Variants in MYO5B observed in about 807,000 individuals in gnomAD.
MYO5B encodes unconventional myosin-Vb.
MYO5B carries 143 observed loss-of-function variants against 229.3 expected under a neutral mutation model. That is an observed-to-expected ratio of 0.62 (90% CI 0.54 to 0.72). The LOEUF is 0.72. Among genes scored for constraint, MYO5B ranks in the 30% least tolerant of loss-of-function variants. The pLI is 0.00. For missense variants in MYO5B, 2,321 were observed against 2,331.0 expected, an observed-to-expected ratio of 1.00 and a Z score of 0.09; for synonymous variants, 918 against 885.2, an observed-to-expected ratio of 1.04 and a Z score of -0.66.
chr18:49,865,182 C>T (rs146162069), intron 27 of MYO5B, among the ~76,000 whole-genome samples: 1 of 152,084 alleles, frequency 6.6e-6, no homozygotes, highest in Non-Finnish European at 1.5e-5. Flanking sequence ...CATGATGGAA[C>T]CAGGGGACCG....
rs143910447 is a variant in MYO5B at position 50,176,941 on chromosome 18, T to C, written c.27+17826A>G. 6.3e-3 allele frequency among the ~76,000 whole-genome samples: 965 copies of C among 152,314 alleles called. 11 individuals carry two copies. Among genetic ancestry groups the C allele is most frequent in the African/African-American group, 0.022 (900 of 41,556 alleles). ...TTTATGGTTACATCTGAAGTCGTCT[T>C]AAACTATGTTAGCCTGCCAGGACCA... On this transcript the variant is annotated intron_variant, in intron 1 of 39. Coordinates refer to ENST00000285039, the MANE Select transcript of MYO5B (RefSeq NM_001080467.3).
intron 1 of MYO5B, among the ~76,000 whole-genome samples, chr18:50,167,789 T>A (rs567159072): frequency 6.6e-6 from 1 of 152,308 alleles, no homozygotes; most frequent in Admixed American, 6.5e-5. Context: ...CATCCATTTC[T>A]TTAAAGCAAT....
chr18:50,112,738 TAATA>T (rs1289816971), intron 1 of MYO5B, among the ~76,000 whole-genome samples: 2 of 152,204 alleles, frequency 1.3e-5, no homozygotes, highest in Non-Finnish European at 2.9e-5. Context: ...TGATGAATTA[TAATA>T]AATAACAATG....
At position 49,838,750 on chromosome 18, in the gene MYO5B, G is replaced by A. The variant is rs376537285; in HGVS notation, c.4852+394C>T. ...AGTGTCTAATAAATACTGATGCATCGTGCCGACTGCTGTGTCCTTTCGCAT... is the reference window on the plus strand; with the variant it reads ...AGTGTCTAATAAATACTGATGCATCATGCCGACTGCTGTGTCCTTTCGCAT... On this transcript the variant is annotated intron_variant, in intron 36 of 39. Coordinates refer to ENST00000285039, the MANE Select transcript of MYO5B (RefSeq NM_001080467.3). Among the ~76,000 whole-genome samples, 48 of 152,222 alleles carry A rather than the reference G, an allele frequency of 3.2e-4. 1 individual carries two copies. The South Asian group carries it at 8.7e-3, about 28-fold the overall frequency.
chr18:49,997,369 C>CTTTCTTTTTTTTTTTTTTTTTTTTTTT (rs2026000646), intron 5 of MYO5B, among the ~76,000 whole-genome samples: 1 of 60,348 alleles, frequency 1.7e-5, no homozygotes, highest in African/African-American at 7.1e-5. Context: ...TCCTTTCTTT[C>CTTTCTTTTTTTTTTTTTTTTTTTTTTT]TTTTTTTTTT....
chr18:49,827,659 A>T (rs1177567870), intron 39 of MYO5B, among the ~76,000 whole-genome samples: 1 of 152,056 alleles, frequency 6.6e-6, no homozygotes, highest in African/African-American at 2.4e-5. Context: ...GGTAAAAATG[A>T]ACAGAGCCTA....
chr18:50,018,630 C>T (rs988747783), intron 4 of MYO5B, among the ~76,000 whole-genome samples: 1 of 152,142 alleles, frequency 6.6e-6, no homozygotes, highest in African/African-American at 2.4e-5. Context: ...CATCCCCATG[C>T]TACAGATAAG....
intron 1 of MYO5B, among the ~76,000 whole-genome samples, chr18:50,127,366 C>T (rs1367242176): frequency 6.6e-6 from 1 of 152,198 alleles, no homozygotes; most frequent in African/African-American, 2.4e-5. Flanking sequence ...GAACGCTTCA[C>T]TTTATCTACT....
At chr18:50,076,804 T>C (rs969273498) in intron 1 of MYO5B, among the ~76,000 whole-genome samples, 2 of 151,978 alleles carry the variant, frequency 1.3e-5, no homozygotes, top group African/African-American at 4.8e-5. Flanking sequence ...ATATTCCCAA[T>C]CGGGTGAAGT....
intron 1 of MYO5B, among the ~76,000 whole-genome samples, chr18:50,178,753 A>G (rs2033031505): frequency 6.6e-6 from 1 of 152,180 alleles, no homozygotes; most frequent in African/African-American, 2.4e-5. Flanking sequence ...TCACATTGCA[A>G]TGTGAGTGCA....
At chr18:49,894,671 AC>A (rs1186940664) in intron 22 of MYO5B, among the ~76,000 whole-genome samples, 5 of 152,148 alleles carry the variant, frequency 3.3e-5, no homozygotes, top group Non-Finnish European at 7.3e-5. Flanking sequence ...CTAATTCTAG[AC>A]CATAAAAACA....
chr18:50,037,019 T>G, intron 3 of MYO5B, 25 bp from the exon 4 acceptor site: 1 of 1,613,886 alleles, frequency 6.2e-7, no homozygotes, highest in South Asian at 1.1e-5. Flanking sequence ...GGTGGTCAGA[T>G]TCCGACAGCA....
At position 50,154,451 on chromosome 18, in the gene MYO5B, T is replaced by C. The variant is rs531846223; in HGVS notation, c.27+40316A>G. On this transcript the variant is annotated intron_variant, in intron 1 of 39. Transcript: ENST00000285039. ...CCTTCTTTGATTGGTACGGGATTTGTCTAAGCCTACCTGCATATTGGGGAA... is the reference window on the plus strand; with the variant it reads ...CCTTCTTTGATTGGTACGGGATTTGCCTAAGCCTACCTGCATATTGGGGAA... Among the ~76,000 whole-genome samples, 34 of 152,312 alleles carry C rather than the reference T, an allele frequency of 2.2e-4. 1 individual carries two copies. The South Asian group carries it at 7.1e-3, about 32-fold the overall frequency.
chr18:49,998,039 C>T (rs547640964), intron 5 of MYO5B, among the ~76,000 whole-genome samples: 1 of 152,108 alleles, frequency 6.6e-6, no homozygotes, highest in African/African-American at 2.4e-5. Context: ...CAGATAGAGT[C>T]GACTTACGAA....
At chr18:49,953,218 G>A (rs375254639) in intron 14 of MYO5B, 42 bp downstream of exon 14, 38 of 1,572,654 alleles carry the variant, frequency 2.4e-5, no homozygotes, top group East Asian at 6.7e-5. Context: ...AGCACTGGCC[G>A]TGGGCATTCC....
At chr18:49,842,596 C>T (rs2024072032) in intron 34 of MYO5B, among the ~76,000 whole-genome samples, 1 of 152,238 alleles carries the variant, frequency 6.6e-6, no homozygotes, top group African/African-American at 2.4e-5. Flanking sequence ...AAGAATCTCA[C>T]CTCCCCCACT....
rs200591873 is a variant in MYO5B, at chr18:49,904,733, C to G, written c.2510G>C (p.Arg837Thr). ...GAAGGCCTGGATAACAACGGCAGCTCTGCGGACCCTCTGGTAGGCCTGGCG... is the reference window on the plus strand; with the variant it reads ...GAAGGCCTGGATAACAACGGCAGCTGTGCGGACCCTCTGGTAGGCCTGGCG... The part of the protein sequence containing the change: ...RARQAYQRVR[R>T]AAVVIQAFTR... Residue 837 changes from arginine (R) to threonine (T), a missense_variant, in exon 20 of 40, where the codon AGA (arginine) becomes ACA (threonine). Around this residue, in one of 2 missense-constraint regions of MYO5B, gnomAD observed 2,113 missense variants for 2,044.7 expected, o/e 1.03. Coordinates refer to ENST00000285039, the MANE Select transcript of MYO5B (RefSeq NM_001080467.3). 9.3e-6 allele frequency: 15 copies of G among 1,614,086 alleles called. No homozygotes were observed. The East Asian group carries it at 3.3e-4, about 36-fold the overall frequency.
rs934791901 is a variant in MYO5B at position 49,956,456 on chromosome 18, G to A, written c.1546-2021C>T. Among the ~76,000 whole-genome samples the A allele has an allele frequency of 3.9e-5, 6 of 152,320 alleles. No individual in the cohort carries two copies. The East Asian group carries it at 1.2e-3, about 29-fold the overall frequency. On this transcript the variant is annotated intron_variant, in intron 12 of 39. Transcript: ENST00000285039. Reference sequence around the variant, plus strand: ...AGAGCTGGTGTTCCAAACAGGACAAGTTAATTCTTCCTGCCTGACGACAGA... The same window carrying A: ...AGAGCTGGTGTTCCAAACAGGACAAATTAATTCTTCCTGCCTGACGACAGA...
intron 1 of MYO5B, among the ~76,000 whole-genome samples, chr18:50,087,083 A>G (rs1167173566): frequency 2.6e-5 from 4 of 152,102 alleles, no homozygotes; most frequent in African/African-American, 9.7e-5. Context: ...TGCCATGGAC[A>G]CTCCTCAATA....
Sources: allele counts gnomAD v4.1 joint callset (sites outside exome capture counted in the v4.1 genomes callset), GRCh38; gene constraint gnomAD v4.1.1; regional missense constraint gnomAD v4.1.1; transcripts MANE v1.5; gene names NCBI Gene and HGNC (gene_info 2026-07-23, HGNC 2026-07-21).